ZNF407: variants seen among roughly 807,000 people sequenced by gnomAD.
ZNF407 encodes zinc finger protein 407.
In ZNF407, 17 loss-of-function variants were observed where a neutral mutation model predicts 131.2. The observed-to-expected ratio is 0.13, with a 90% CI of 0.09 to 0.19. ZNF407 has a LOEUF of 0.19. Among genes scored for constraint, ZNF407 ranks in the 10% least tolerant of loss-of-function variants. ZNF407 has a pLI of 1.00. For synonymous variants in ZNF407, 1,156 were observed against 1,062.0 expected, an observed-to-expected ratio of 1.09 and a Z score of -1.72; for missense variants, 2,681 against 2,830.6, an observed-to-expected ratio of 0.95 and a Z score of 1.20.
At chr18:74,754,742 A>T (rs933154148) in intron 3 of ZNF407, among the ~76,000 whole-genome samples, 7 of 152,120 alleles carry the variant, frequency 4.6e-5, no homozygotes, top group African/African-American at 1.7e-4. Flanking sequence ...GTTCCTTTAC[A>T]TTTGCTGAGG....
At chr18:74,899,949 C>T (rs996231498) in intron 7 of ZNF407, among the ~76,000 whole-genome samples, 4 of 152,222 alleles carry the variant, frequency 2.6e-5, no homozygotes, top group Non-Finnish European at 4.4e-5. Flanking sequence ...TGTGAAAACA[C>T]TGGGCCAGAG....
At chr18:75,040,005 C>G (rs1973354625) in intron 8 of ZNF407, among the ~76,000 whole-genome samples, 1 of 152,136 alleles carries the variant, frequency 6.6e-6, no homozygotes, top group South Asian at 2.1e-4. Context: ...GTGCTCACAG[C>G]TACCTTGTTG....
intron 3 of ZNF407, among the ~76,000 whole-genome samples, chr18:74,777,241 G>A (rs1305784750): frequency 6.6e-6 from 1 of 151,986 alleles, no homozygotes; most frequent in Non-Finnish European, 1.5e-5. Context: ...TTAAACTGGA[G>A]TGTAGGCATT....
intron 8 of ZNF407, among the ~76,000 whole-genome samples, chr18:74,934,756 A>T (rs1490921625): frequency 6.6e-6 from 1 of 152,232 alleles, no homozygotes; most frequent in Admixed American, 6.5e-5. Context: ...CAGTGAGCCG[A>T]GATCATGCCA....
intron 8 of ZNF407, among the ~76,000 whole-genome samples, chr18:75,060,868 A>C (rs191237259): frequency 3.3e-5 from 5 of 152,340 alleles, no homozygotes; most frequent in Admixed American, 2.6e-4. Flanking sequence ...GAGTTGCCTG[A>C]GAAAGAAGAT....
intron 3 of ZNF407, among the ~76,000 whole-genome samples, chr18:74,775,846 A>G (rs1969458402): frequency 6.6e-6 from 1 of 152,178 alleles, no homozygotes; most frequent in Non-Finnish European, 1.5e-5. Flanking sequence ...GACATGTCTC[A>G]CATGGCTGGA....
rs17055931 is a variant in ZNF407 at position 74,920,149 on chromosome 18, G to A, written c.5250-365G>A. ...CAGATGCTCTAAATTCAGTGGAGGC[G>A]ACAGCACTTTCATTTTTGTACCACT... On this transcript the variant is annotated intron_variant, in intron 7 of 8. Coordinates refer to ENST00000299687, the MANE Select transcript of ZNF407 (RefSeq NM_017757.3). 4.1e-3 allele frequency among the ~76,000 whole-genome samples: 632 copies of A among 152,296 alleles called. 5 individuals are homozygous for A. Among genetic ancestry groups the A allele is most frequent in the African/African-American group, 0.014 (581 of 41,554 alleles).
chr18:74,866,732 G>A (rs1270616078), intron 4 of ZNF407, among the ~76,000 whole-genome samples: 3 of 148,554 alleles, frequency 2.0e-5, no homozygotes, highest in Non-Finnish European at 3.0e-5. Context: ...CCACTTGTTC[G>A]GTAGAAATAT....
At chr18:74,907,570 A>G (rs4426440) in intron 7 of ZNF407, among the ~76,000 whole-genome samples, 148,192 of 152,286 alleles carry the variant, frequency 0.97, 72,242 homozygotes, top group East Asian at 1. Context: ...CTCTCCCACC[A>G]TTCAGCCGGG....
At chr18:75,039,101 A>G (rs1973343096) in intron 8 of ZNF407, among the ~76,000 whole-genome samples, 1 of 152,274 alleles carries the variant, frequency 6.6e-6, no homozygotes, top group Non-Finnish European at 1.5e-5. Context: ...GCAGTGAATT[A>G]AGCAGGCTTA....
intron 8 of ZNF407, among the ~76,000 whole-genome samples, chr18:74,991,857 T>G (rs953625213): frequency 6.6e-6 from 1 of 152,246 alleles, no homozygotes; most frequent in African/African-American, 2.4e-5. Context: ...CTAGTTAGCC[T>G]TCTCAAACAG....
chr18:74,675,793 G>A (rs1986332176), intron 3 of ZNF407, among the ~76,000 whole-genome samples: 1 of 152,096 alleles, frequency 6.6e-6, no homozygotes, highest in African/African-American at 2.4e-5. Context: ...GACAATTCGA[G>A]GATCTTGAAC....
At chr18:74,995,880 T>G (rs527852086) in intron 8 of ZNF407, among the ~76,000 whole-genome samples, 1 of 152,346 alleles carries the variant, frequency 6.6e-6, no homozygotes, top group African/African-American at 2.4e-5. Context: ...ATTTTTACTT[T>G]GAGAATTTTT....
rs111851534 is a variant in ZNF407 at position 74,761,177 on chromosome 18, T to G, written c.4803-20251T>G. Among the ~76,000 whole-genome samples the G allele has an allele frequency of 3.3e-3, 487 of 148,518 alleles. 2 individuals are homozygous for G. The highest frequency in any genetic ancestry group is 0.012 in the African/African-American group (459 of 38,298). On this transcript the variant is annotated intron_variant, in intron 3 of 8. Transcript: ENST00000299687. ...TATTTATTGGAGTACTATATTGATCTTTTGGATTTTTGAATTTTGATAGGT... is the reference window on the plus strand; with the variant it reads ...TATTTATTGGAGTACTATATTGATCGTTTGGATTTTTGAATTTTGATAGGT...
intron 7 of ZNF407, among the ~76,000 whole-genome samples, chr18:74,915,321 AGT>A (rs5826357): frequency 0.29 from 38,032 of 132,646 alleles, 5,103 homozygotes; most frequent in Middle Eastern, 0.4. Flanking sequence ...TCGAATCGGG[AGT>A]GTGTGTGTGT....
At chr18:74,911,797 C>T (rs927570912) in intron 7 of ZNF407, among the ~76,000 whole-genome samples, 2 of 152,078 alleles carry the variant, frequency 1.3e-5, no homozygotes, top group Non-Finnish European at 2.9e-5. Context: ...TCAAGTGGTT[C>T]CCCCAAAATC....
chr18:75,001,793 T>C (rs990080416), intron 8 of ZNF407, among the ~76,000 whole-genome samples: 6 of 152,208 alleles, frequency 3.9e-5, no homozygotes, highest in African/African-American at 1.4e-4. Context: ...GTAGGTTGTA[T>C]GTGGAATCTG....
chr18:74,894,987 T>C (rs1031937162), intron 7 of ZNF407, among the ~76,000 whole-genome samples: 9 of 152,178 alleles, frequency 5.9e-5, no homozygotes, highest in African/African-American at 2.2e-4. Flanking sequence ...TTCTCTATTT[T>C]TCTTTTTTAT....
At chr18:74,753,501 A>G (rs968304518) in intron 3 of ZNF407, among the ~76,000 whole-genome samples, 2 of 152,146 alleles carry the variant, frequency 1.3e-5, no homozygotes, top group African/African-American at 4.8e-5. Flanking sequence ...GTTTGTCATA[A>G]ATAGCTCTTA....
Sources: gnomAD v4.1 joint callset for allele counts (sites outside exome capture counted in the v4.1 genomes callset) on GRCh38, gnomAD v4.1.1 for gene constraint, MANE v1.5 for transcripts, NCBI Gene and HGNC (gene_info 2026-07-23, HGNC 2026-07-21) for gene names.